Variants in RPTOR observed in about 807,000 individuals in gnomAD.
RPTOR encodes the protein regulatory-associated protein of mTOR.
In RPTOR, 21 loss-of-function variants were observed where a neutral mutation model predicts 169.9. The ratio of observed to expected loss-of-function variants is 0.12; its 90% CI spans 0.09 to 0.18. The LOEUF is 0.18. RPTOR is among the 10% of genes least tolerant of loss of function. The pLI is 1.00. For missense variants in RPTOR, 1,133 were observed against 1,855.9 expected (o/e 0.61, Z 7.16); for synonymous variants, 732 against 753.2 (o/e 0.97, Z 0.46).
intron 10 of RPTOR, among the ~76,000 whole-genome samples, chr17:80,840,815 C>CTG (rs2067633675): frequency 1.4e-5 from 2 of 138,920 alleles, no homozygotes; most frequent in Admixed American, 7.1e-5. Context: ...CTCACTCTCA[C>CTG]CACGCCGCAG....
rs1286681375 is a variant in RPTOR at position 80,896,502 on chromosome 17, C to CAT, written c.2401+2637_2401+2638insAT. Among the ~76,000 whole-genome samples the CAT allele has an allele frequency of 8.0e-5, 5 of 62,404 alleles. 1 individual carries two copies. The highest frequency in any genetic ancestry group is 1.5e-4 in the Non-Finnish European group (4 of 27,548). 40.9% of individuals were successfully genotyped at this position (62,404 alleles called of 152,430 possible). On this transcript the variant is annotated intron_variant, in intron 20 of 33. Coordinates refer to ENST00000306801, the MANE Select transcript of RPTOR (RefSeq NM_020761.3). Reference sequence around the variant, plus strand: ...CCCACGGCCGCACCGACACACCCCACGGCCGCACCGACACCCCGCATAGCC... The same window carrying CAT: ...CCCACGGCCGCACCGACACACCCCACATGGCCGCACCGACACCCCGCATAGCC...
At chr17:80,879,827 C>A (rs1333969470) in intron 13 of RPTOR, among the ~76,000 whole-genome samples, 3 of 152,238 alleles carry the variant, frequency 2.0e-5, no homozygotes, top group Non-Finnish European at 2.9e-5. Flanking sequence ...GGAAGGTCGC[C>A]TGCCTGGCAG....
Position 80,760,063 on chromosome 17 carries a change from GT to G in RPTOR, c.830+5882del, listed in dbSNP as rs1434508072. Among the ~76,000 whole-genome samples, 5 of 152,244 alleles carry G rather than the reference GT, an allele frequency of 3.3e-5. No individual in the cohort carries two copies. The South Asian group carries it at 8.3e-4, about 25-fold the overall frequency. On this transcript the variant is annotated intron_variant, in intron 6 of 33. Coordinates refer to ENST00000306801, the MANE Select transcript of RPTOR (RefSeq NM_020761.3). ...ATATTTCACTATGTTGAAGTTCCAT[GT>G]TTTATTTAGCCGGAGCGTAGGGCTT...
Position 80,861,893 on chromosome 17 carries a change from C to T in RPTOR, c.1509+3993C>T, listed in dbSNP as rs1028494148. ...AGCCTTCCTCGTACCTTCCTCGTGA[C>T]ATTCTCACTGCATCCACAGCCCATC... is the stretch of plus-strand genomic sequence containing the variant. On this transcript the variant is annotated intron_variant, in intron 13 of 33. Coordinates refer to ENST00000306801, the MANE Select transcript of RPTOR (RefSeq NM_020761.3). This position sits in a 1 kb window ranked among gnomAD's most constrained non-coding sequence, Gnocchi z 4.5. Among the ~76,000 whole-genome samples, 1 of 152,204 alleles carries T rather than the reference C, an allele frequency of 6.6e-6. No individual in the cohort carries two copies. Among genetic ancestry groups the T allele is most frequent in the Non-Finnish European group, 1.5e-5 (1 of 68,038 alleles).
intron 3 of RPTOR, among the ~76,000 whole-genome samples, chr17:80,679,574 A>C (rs2065883449): frequency 6.6e-6 from 1 of 151,838 alleles, no homozygotes; most frequent in Admixed American, 6.6e-5. Context: ...TGTTTCTCTT[A>C]GCTTATTTTT....
chr17:80,832,950 C>G (rs1444055405), intron 9 of RPTOR, among the ~76,000 whole-genome samples: 1 of 152,230 alleles, frequency 6.6e-6, no homozygotes, highest in East Asian at 1.9e-4. Context: ...TGCATTTACA[C>G]TTTGCTTCAG....
At chr17:80,622,705 C>A (rs2065363279) in intron 1 of RPTOR, among the ~76,000 whole-genome samples, 1 of 152,132 alleles carries the variant, frequency 6.6e-6, no homozygotes, top group Non-Finnish European at 1.5e-5. Context: ...AGTTGGAGAC[C>A]ATCCTGGGCA....
Position 80,794,491 on chromosome 17 carries a change from T to G in RPTOR, c.890+2982T>G, listed in dbSNP as rs559352053. On this transcript the variant is annotated intron_variant, in intron 7 of 33. Coordinates refer to ENST00000306801, the MANE Select transcript of RPTOR (RefSeq NM_020761.3). Reference sequence around the variant, plus strand: ...GGAATGCAGAATGGTGCGGCCACTCTGGAAGAACTGTCGGTTTCTCATAAA... The same window carrying G: ...GGAATGCAGAATGGTGCGGCCACTCGGGAAGAACTGTCGGTTTCTCATAAA... Among the ~76,000 whole-genome samples, 9 of 152,326 alleles carry G rather than the reference T, an allele frequency of 5.9e-5. No homozygotes were observed. In the East Asian group the frequency reaches 9.6e-4, roughly 16 times the overall value.
chr17:80,905,049 C>T (rs1041384713), intron 20 of RPTOR, among the ~76,000 whole-genome samples: 5 of 152,322 alleles, frequency 3.3e-5, no homozygotes, highest in Admixed American at 2.6e-4. Context: ...GCCCACGACG[C>T]TCAGTCCTGC....
chr17:80,965,941 T>C lies in RPTOR; in HGVS notation c.*1611T>C, dbSNP rs955843840. The stretch of plus-strand genomic sequence containing the variant: ...AAGGTGTAGAGAGTCCCGGCCTCAC[T>C]CAGCTCACAGGGCGTGCCAGGCGGC... On this transcript the variant is annotated 3_prime_UTR_variant, in exon 34 of 34. Transcript: ENST00000306801. 4.3e-6 allele frequency: 1 copy of C among 233,326 alleles called. No individual in the cohort carries two copies. Among genetic ancestry groups the C allele is most frequent in the Non-Finnish European group, 8.5e-6 (1 of 118,110 alleles). The allele number at this position is 233,326 out of a possible 1,614,324, so 14.5% of individuals were successfully genotyped here.
At chr17:80,599,508 C>T (rs965002820) in intron 1 of RPTOR, among the ~76,000 whole-genome samples, 6 of 152,222 alleles carry the variant, frequency 3.9e-5, no homozygotes, top group Non-Finnish European at 8.8e-5. Flanking sequence ...GCAGCTCTGG[C>T]TTTGGGATGG....
chr17:80,572,007 A>G (rs1043878162), intron 1 of RPTOR, among the ~76,000 whole-genome samples: 85 of 152,368 alleles, frequency 5.6e-4, no homozygotes, highest in African/African-American at 1.9e-3. Context: ...AGGTGCTTGA[A>G]TATATGTTGT....
chr17:80,800,448 AGACTG>A (rs1365280523), intron 7 of RPTOR, among the ~76,000 whole-genome samples: 7 of 152,226 alleles, frequency 4.6e-5, no homozygotes, highest in African/African-American at 1.7e-4. Context: ...TCTCAGCACA[AGACTG>A]GAGAGAAGAT....
intron 24 of RPTOR, among the ~76,000 whole-genome samples, chr17:80,925,808 C>T (rs1477121107): frequency 2.0e-5 from 3 of 152,248 alleles, no homozygotes; most frequent in Non-Finnish European, 2.9e-5. Flanking sequence ...TGCGTGGCTC[C>T]GAGGTCTGGG....
At chr17:80,773,530 T>C (rs1164289625) in intron 6 of RPTOR, among the ~76,000 whole-genome samples, 1 of 152,200 alleles carries the variant, frequency 6.6e-6, no homozygotes, top group Non-Finnish European at 1.5e-5. Flanking sequence ...CTTCCTTTAT[T>C]TTGATTTGTG....
intron 3 of RPTOR, among the ~76,000 whole-genome samples, chr17:80,665,127 G>A (rs1445112844): frequency 6.6e-6 from 1 of 152,030 alleles, no homozygotes; most frequent in East Asian, 1.9e-4. Flanking sequence ...AACCGAGGGT[G>A]CGGTGGCTCC....
At chr17:80,697,646 C>T (rs985309422) in intron 3 of RPTOR, among the ~76,000 whole-genome samples, 1 of 152,180 alleles carries the variant, frequency 6.6e-6, no homozygotes, top group African/African-American at 2.4e-5. Flanking sequence ...CAAGGAGCCA[C>T]CTTGTGCAGA....
intron 1 of RPTOR, among the ~76,000 whole-genome samples, chr17:80,603,651 G>A (rs2065207756): frequency 1.3e-5 from 2 of 152,154 alleles, no homozygotes; most frequent in African/African-American, 4.8e-5. Flanking sequence ...TAGGCGAAAG[G>A]GTGCATGGGG....
intron 6 of RPTOR, among the ~76,000 whole-genome samples, chr17:80,775,650 C>T (rs1008830783): frequency 2.6e-5 from 4 of 152,212 alleles, no homozygotes; most frequent in Admixed American, 2.0e-4. Flanking sequence ...ACAGCCCCCA[C>T]GTTTGGCTGT....
Sources: allele counts gnomAD v4.1 joint callset (sites outside exome capture counted in the v4.1 genomes callset), GRCh38; gene constraint gnomAD v4.1.1; non-coding constraint Gnocchi (gnomAD v3.1); transcripts MANE v1.5; gene names NCBI Gene and HGNC (gene_info 2026-07-23, HGNC 2026-07-21).